Variants in KIAA1217 observed in about 807,000 individuals in gnomAD.
KIAA1217 encodes the protein sickle tail protein homolog.
In KIAA1217, 88 loss-of-function variants were observed where a neutral mutation model predicts 163.9. The observed-to-expected ratio is 0.54, with a 90% CI of 0.45 to 0.64. The LOEUF is 0.64. Ranked by LOEUF, KIAA1217 falls within the 30% of genes least tolerant of loss-of-function variation. The probability of loss-of-function intolerance (pLI) is 0.00; values close to 1 mark genes in which losing one functional copy is unlikely to be tolerated. For missense variants in KIAA1217, 2,372 were observed against 2,475.0 expected (o/e 0.96, Z 0.88); for synonymous variants, 903 against 923.1 (o/e 0.98, Z 0.39).
chr10:24,119,421 A>C (rs956443469), intron 2 of KIAA1217, among the ~76,000 whole-genome samples: 12 of 152,288 alleles, frequency 7.9e-5, no homozygotes, highest in African/African-American at 2.9e-4. Context: ...TGAAATTGCC[A>C]TGAAATCATA....
chr10:24,300,847 C>T (rs974225285), intron 2 of KIAA1217, among the ~76,000 whole-genome samples: 1 of 152,000 alleles, frequency 6.6e-6, no homozygotes, highest in African/African-American at 2.4e-5. Context: ...GAGTCTCACT[C>T]TGTTGCCCAG....
At chr10:24,344,675 T>A (rs752233059) in intron 2 of KIAA1217, among the ~76,000 whole-genome samples, 6 of 152,202 alleles carry the variant, frequency 3.9e-5, no homozygotes, top group Non-Finnish European at 5.9e-5. Context: ...TTTAAACAGA[T>A]CTGTGCTTAA....
intron 1 of KIAA1217, among the ~76,000 whole-genome samples, chr10:23,751,789 AT>A (rs1225837755): frequency 6.6e-6 from 1 of 152,114 alleles, no homozygotes; most frequent in African/African-American, 2.4e-5. Flanking sequence ...TTCTTGTGAG[AT>A]TATCTGTCTT....
In KIAA1217 at chr10:24,484,241, A is replaced by ATATATATATATTTTTTTTTTTTT. The variant is rs1376083298; in HGVS notation, c.1679+10182_1679+10183insATATATATATTTTTTTTTTTTTT. Among the ~76,000 whole-genome samples, 42 of 75,138 alleles carry ATATATATATATTTTTTTTTTTTT rather than the reference A, an allele frequency of 5.6e-4. 1 individual carries two copies. The highest frequency in any genetic ancestry group is 7.5e-4 in the Non-Finnish European group (30 of 40,012). 49.3% of individuals were successfully genotyped at this position (75,138 alleles called of 152,430 possible). On this transcript the variant is annotated intron_variant, in intron 6 of 20. Transcript: ENST00000376454. ...TAGATATACATATATATATATATAT[A>ATATATATATATTTTTTTTTTTTT]TTTTTTTTTTTTTTTTTTTTTTTGA...
intron 1 of KIAA1217, among the ~76,000 whole-genome samples, chr10:23,991,011 A>G (rs1846195261): frequency 6.6e-6 from 1 of 152,234 alleles, no homozygotes; most frequent in African/African-American, 2.4e-5. Context: ...CTTTGAAAAT[A>G]AAGAGTTACA....
chr10:24,298,109 A>T (rs2040837019), intron 2 of KIAA1217, among the ~76,000 whole-genome samples: 1 of 152,188 alleles, frequency 6.6e-6, no homozygotes, highest in Non-Finnish European at 1.5e-5. Flanking sequence ...TGCAATTACC[A>T]TTTCAATTGA....
intron 1 of KIAA1217, among the ~76,000 whole-genome samples, chr10:23,810,954 A>ACT (rs1837004076): frequency 8.5e-6 from 1 of 117,786 alleles, no homozygotes; most frequent in Non-Finnish European, 1.6e-5. Flanking sequence ...TATATTATAT[A>ACT]ATATATATAG....
At chr10:24,156,809 C>T (rs141603883) in intron 2 of KIAA1217, among the ~76,000 whole-genome samples, 1 of 152,280 alleles carries the variant, frequency 6.6e-6, no homozygotes, top group African/African-American at 2.4e-5. Context: ...CTGCAGAAAC[C>T]ACATAAAGGC....
chr10:23,810,216 ATCTG>A lies in KIAA1217; in HGVS notation c.-321+114990_-321+114993del, dbSNP rs559374283. On this transcript the variant is annotated intron_variant, in intron 1 of 18. Coordinates refer to the KIAA1217 transcript ENST00000376462. Reference sequence around the variant, plus strand: ...CGAGCATTTATCCATCCATTCATCTATCTGTCTGTCTATCTACCTACCTACCTAC... The same window carrying A: ...CGAGCATTTATCCATCCATTCATCTATCTGTCTATCTACCTACCTACCTAC... Among the ~76,000 whole-genome samples the A allele has an allele frequency of 9.1e-4, 138 of 150,978 alleles. 1 individual carries two copies. The highest frequency in any genetic ancestry group is 7.3e-3 in the Middle Eastern group (2 of 274).
chr10:23,962,267 C>T (rs973600507), intron 1 of KIAA1217, among the ~76,000 whole-genome samples: 1 of 152,176 alleles, frequency 6.6e-6, no homozygotes, highest in Non-Finnish European at 1.5e-5. Flanking sequence ...GACATAACCT[C>T]ACATAGCCTC....
chr10:24,218,300 C>T (rs1401082655), intron 1 of KIAA1217, among the ~76,000 whole-genome samples: 2 of 152,128 alleles, frequency 1.3e-5, no homozygotes, highest in Non-Finnish European at 2.9e-5. Context: ...GCATTGACAT[C>T]ATATGACTTG....
At position 24,219,902 on chromosome 10, in the gene KIAA1217, G is replaced by A. The variant is rs754497667; in HGVS notation, c.347G>A (p.Arg116Lys). 1.5e-5 allele frequency: 24 copies of A among 1,598,224 alleles called. 1 individual carries two copies. In the South Asian group the frequency reaches 2.6e-4, roughly 17 times the overall value. The stretch of plus-strand genomic sequence containing the variant: ...ATCATGGGTCACCAAGAGAGGCTGA[G>A]AGACCAGGTACGAATATGCTCTCAT... ...SAIMGHQERL[R>K]DQTRSPKLSH... Residue 116 changes from arginine (R) to lysine (K), a missense_variant, in exon 2 of 21, where the codon AGA becomes AAA. Arg to Lys is a conservative substitution (Grantham distance 26, BLOSUM62 2). This residue lies in a region of KIAA1217 where 1,431 missense variants were observed against 1,470.3 expected (regional missense o/e 0.97). Coordinates refer to ENST00000376454, the MANE Select transcript of KIAA1217 (RefSeq NM_019590.5).
intron 2 of KIAA1217, among the ~76,000 whole-genome samples, chr10:24,189,750 C>T (rs1030573843): frequency 6.6e-6 from 1 of 152,182 alleles, no homozygotes; most frequent in African/African-American, 2.4e-5. Context: ...TGCAGTGGCT[C>T]ACTCCTGTAA....
At position 24,473,657 on chromosome 10, in the gene KIAA1217, C is replaced by T. The variant is rs770780089; in HGVS notation, c.1276C>T (p.Arg426Cys). 8 of 1,614,118 alleles carry T rather than the reference C, an allele frequency of 5.0e-6. No individual in the cohort carries two copies. Among genetic ancestry groups the T allele is most frequent in the East Asian group, 2.2e-5 (1 of 44,862 alleles). The change falls in exon 6 of 21, where the codon CGC becomes TGC. Residue 426 changes from arginine to cysteine, a missense_variant. Transcript: ENST00000376454. The part of the protein sequence containing the change: ...DVPDHIIAYH[R>C]TAIRSASAYC... ...CCCCGACCACATCATTGCATATCACCGCACCGCCATCCGGTCAGCGAGTGC... is the reference window on the plus strand; with the variant it reads ...CCCCGACCACATCATTGCATATCACTGCACCGCCATCCGGTCAGCGAGTGC...
At chr10:24,082,121 T>C (rs999723581) in intron 2 of KIAA1217, among the ~76,000 whole-genome samples, 10 of 152,196 alleles carry the variant, frequency 6.6e-5, no homozygotes, top group African/African-American at 2.4e-4. Context: ...TAATTCAGCC[T>C]CTGGTTAGGA....
intron 2 of KIAA1217, among the ~76,000 whole-genome samples, chr10:24,248,853 A>T (rs1245905607): frequency 6.6e-6 from 1 of 152,156 alleles, no homozygotes; most frequent in Non-Finnish European, 1.5e-5. Context: ...GACTATTTAG[A>T]TTTGAAAAGA....
At chr10:24,376,590 T>C (rs2052522909) in intron 2 of KIAA1217, among the ~76,000 whole-genome samples, 1 of 152,078 alleles carries the variant, frequency 6.6e-6, no homozygotes, top group Non-Finnish European at 1.5e-5. Flanking sequence ...AAGTGAGACC[T>C]CGTCTACTAC....
Position 24,138,450 on chromosome 10 carries a change from A to G in KIAA1217, c.-170-81176A>G, listed in dbSNP as rs568464620. Among the ~76,000 whole-genome samples, 308 of 152,296 alleles carry G rather than the reference A, an allele frequency of 2.0e-3. 2 individuals carry two copies. The highest frequency in any genetic ancestry group is 3.0e-3 in the Non-Finnish European group (201 of 68,026). On this transcript the variant is annotated intron_variant, in intron 2 of 18. Transcript: ENST00000376462. ...GGCATGAGCCACTGAGCTGGCCTGT[A>G]TATATTTTTTCACATACTTGCAATT...
chr10:24,266,636 A>G (rs949618343), intron 2 of KIAA1217, among the ~76,000 whole-genome samples: 2 of 152,178 alleles, frequency 1.3e-5, no homozygotes, highest in East Asian at 3.9e-4. Context: ...AGTGCTCTGT[A>G]AAACACACCA....
Sources: gnomAD v4.1 joint callset for allele counts (sites outside exome capture counted in the v4.1 genomes callset) on GRCh38, gnomAD v4.1.1 for gene constraint, gnomAD v4.1.1 regional missense constraint, MANE v1.5 for transcripts, NCBI Gene and HGNC (gene_info 2026-07-23, HGNC 2026-07-21) for gene names.